The following SMARCD3 variants were observed in gnomAD, a reference collection of about 807,000 sequenced individuals.
SMARCD3 encodes SWI/SNF-related matrix-associated actin-dependent regulator of chromatin subfamily D member 3.
A neutral mutation model predicts 58.0 loss-of-function variants in SMARCD3; 14 were observed. The observed-to-expected ratio is 0.24, with a 90% confidence interval of 0.16 to 0.38. The LOEUF is 0.38. SMARCD3 is among the 10% of genes least tolerant of loss of function. SMARCD3 has a pLI of 1.00. For missense variants in SMARCD3, 408 were observed against 636.9 expected, an observed-to-expected ratio of 0.64 and a Z score of 3.87; for synonymous variants, 253 against 253.8, an observed-to-expected ratio of 1.00 and a Z score of 0.03.
Position 151,242,045 on chromosome 7 carries a change from G to A in SMARCD3, c.676-67C>T. On this transcript the variant is annotated intron_variant, in intron 6 of 12. Coordinates refer to ENST00000262188, the MANE Select transcript of SMARCD3 (RefSeq NM_001003801.2). This position sits in a 1 kb window ranked among gnomAD's most constrained non-coding sequence, Gnocchi z 4.7. ...GGAGTGGTGGGGCCCAGGACTCTAG[G>A]GTGGTCCCTGACCCAAATCTGTGCT... is the stretch of plus-strand genomic sequence containing the variant. The A allele has an allele frequency of 6.5e-7, 1 of 1,544,442 alleles. No individual in the cohort carries two copies. Among genetic ancestry groups the A allele is most frequent in the Non-Finnish European group, 8.9e-7 (1 of 1,117,680 alleles).
In SMARCD3 at chr7:151,248,402, G is replaced by T. The variant is rs1803378857; in HGVS notation, c.78+83C>A. ...ACTAGAGGGGTGGGAGAGCGGGAGC[G>T]CCCTCCCGGCCCCTCCCGATCAGCC... On this transcript the variant is annotated intron_variant, in intron 1 of 12. Coordinates refer to ENST00000262188, the MANE Select transcript of SMARCD3 (RefSeq NM_001003801.2). This position sits in a 1 kb window ranked among gnomAD's most constrained non-coding sequence, Gnocchi z 6.1. 1 of 1,194,390 alleles carries T rather than the reference G, an allele frequency of 8.4e-7. No homozygotes were observed. Among genetic ancestry groups the T allele is most frequent in the Admixed American group, 1.8e-5 (1 of 55,716 alleles). 74.0% of individuals were successfully genotyped at this position (1,194,390 alleles called of 1,614,324 possible).
rs780502038 is a variant in SMARCD3 at position 151,240,224 on chromosome 7, T to A, written c.1061A>T (p.Lys354Met). ...CACGTCAATGTCATAGCACGCCGTC[T>A]TCTTCTGGTCTGAAGGGTCCACGCT... ...VISVDPSDQKKTACYDIDVEV... is the reference protein window; with the variant it reads ...VISVDPSDQKMTACYDIDVEV... The change falls in exon 10 of 13, where the codon AAG becomes ATG. Residue 354 changes from lysine to methionine, a missense_variant. Transcript: ENST00000262188. The A allele has an allele frequency of 1.2e-6, 2 of 1,614,124 alleles. No individual in the cohort carries two copies. Among genetic ancestry groups the A allele is most frequent in the Non-Finnish European group, 1.7e-6 (2 of 1,180,018 alleles).
At chr7:151,273,419 C>T (rs1044295416) in intron 2 of SMARCD3, among the ~76,000 whole-genome samples, 1 of 152,218 alleles carries the variant, frequency 6.6e-6, no homozygotes, top group Non-Finnish European at 1.5e-5. Flanking sequence ...ATTAGGAGGA[C>T]TCTCCACGTG....
chr7:151,248,796 T>A, upstream of SMARCD3: 1 of 622,830 alleles, frequency 1.6e-6, no homozygotes, highest in Non-Finnish European at 2.1e-6. The surrounding 1 kb of genome is among the most constrained non-coding windows in gnomAD (Gnocchi z 6.1). Context: ...ATTCCTGCAC[T>A]GATAAGACAG....
chr7:151,259,859 C>T (rs1465060272), intron 2 of SMARCD3, among the ~76,000 whole-genome samples: 4 of 151,296 alleles, frequency 2.6e-5, no homozygotes, highest in Non-Finnish European at 5.9e-5. Flanking sequence ...ATCCACCCAC[C>T]TTGGCCTCCC....
Position 151,275,635 on chromosome 7 carries a change from C to T in SMARCD3, c.-99-384G>A, listed in dbSNP as rs908799291. Among the ~76,000 whole-genome samples the T allele has an allele frequency of 3.3e-5, 5 of 152,096 alleles. No homozygotes were observed. The East Asian group carries it at 9.7e-4, about 29-fold the overall frequency. Reference sequence around the variant, plus strand: ...GCCAGAGGGCAGGTCAGGATGGTAACTGGGATGGCCCTGGAGCCCAGGGGC... The same window carrying T: ...GCCAGAGGGCAGGTCAGGATGGTAATTGGGATGGCCCTGGAGCCCAGGGGC... On this transcript the variant is annotated intron_variant, in intron 1 of 13. Coordinates refer to the SMARCD3 transcript ENST00000356800.
intron 2 of SMARCD3, among the ~76,000 whole-genome samples, chr7:151,270,406 A>G (rs1274271417): frequency 6.6e-6 from 1 of 152,212 alleles, no homozygotes; most frequent in Non-Finnish European, 1.5e-5. Flanking sequence ...CTCTCTGTCC[A>G]CTGCCTCACA....
intron 2 of SMARCD3, chr7:151,275,030 TG>T: frequency 9.0e-7 from 1 of 1,114,726 alleles, no homozygotes; most frequent in Non-Finnish European, 1.3e-6. Context: ...GGCCATGTGG[TG>T]GGAGCAGGAG....
intron 2 of SMARCD3, among the ~76,000 whole-genome samples, chr7:151,256,758 G>A (rs996566382): frequency 1.3e-5 from 2 of 151,916 alleles, no homozygotes; most frequent in African/African-American, 4.8e-5. Context: ...GCTTGTGCCC[G>A]TTTTCCCCTT....
chr7:151,257,896 G>T (rs966080064), intron 2 of SMARCD3, among the ~76,000 whole-genome samples: 1 of 152,024 alleles, frequency 6.6e-6, no homozygotes, highest in Non-Finnish European at 1.5e-5. Flanking sequence ...CCTCCAGCCC[G>T]GTCCTCTCTC....
intron 2 of SMARCD3, among the ~76,000 whole-genome samples, chr7:151,244,572 T>TA (rs1399721110): frequency 6.6e-6 from 1 of 152,190 alleles, no homozygotes; most frequent in Non-Finnish European, 1.5e-5. Context: ...TGGTTTGTTT[T>TA]AAACAGATTA....
chr7:151,253,956 C>T (rs1173792609), intron 2 of SMARCD3, among the ~76,000 whole-genome samples: 1 of 152,094 alleles, frequency 6.6e-6, no homozygotes, highest in Non-Finnish European at 1.5e-5. Flanking sequence ...TCTCCTCTCC[C>T]TCCGGATCAA....
chr7:151,275,373 G>A lies in SMARCD3; in HGVS notation c.-99-122C>T, dbSNP rs917506819. The A allele has an allele frequency of 3.1e-5, 18 of 575,224 alleles. No individual in the cohort carries two copies. The Admixed American group carries it at 4.7e-4, about 15-fold the overall frequency. 35.6% of individuals were successfully genotyped at this position (575,224 alleles called of 1,614,324 possible). A position where few individuals can be genotyped will look rare whatever the true frequency, so the allele number is the denominator to read the frequency against. Reference sequence around the variant, plus strand: ...AAGCCAGGACACTGTGCAGAAAAAAGGGCCTAGGATGGAGGCAACCAGCAT... The same window carrying A: ...AAGCCAGGACACTGTGCAGAAAAAAAGGCCTAGGATGGAGGCAACCAGCAT... On this transcript the variant is annotated intron_variant, in intron 1 of 13. Coordinates refer to the SMARCD3 transcript ENST00000356800.
At chr7:151,244,597 T>C (rs1175226402) in intron 2 of SMARCD3, among the ~76,000 whole-genome samples, 1 of 152,204 alleles carries the variant, frequency 6.6e-6, no homozygotes, top group Non-Finnish European at 1.5e-5. Flanking sequence ...TGTGTAACTC[T>C]CCATTTATAC....
Position 151,243,695 on chromosome 7 carries a change from C to T in SMARCD3, c.297G>A (p.Lys99=), listed in dbSNP as rs778165767. ...GGATTTTGTCAGCCATCTTCCTCCTCTTGGCACTGTACATTTTTTAAAGAA... is the reference window on the plus strand; with the variant it reads ...GGATTTTGTCAGCCATCTTCCTCCTTTTGGCACTGTACATTTTTTAAAGAA... The part of the protein sequence containing the change: ...PTAPARSRSA[K]RRKMADKILP... Residue 99 remains lysine (K), a synonymous_variant, in exon 3 of 13, where the codon AAG becomes AAA. Transcript: ENST00000262188. This position sits in a 1 kb window ranked among gnomAD's most constrained non-coding sequence, Gnocchi z 4.4. The T allele has an allele frequency of 9.9e-6, 16 of 1,610,792 alleles. No homozygotes were observed. Among genetic ancestry groups the T allele is most frequent in the Middle Eastern group, 1.6e-4 (1 of 6,074 alleles).
chr7:151,250,299 A>G (rs1201214152), upstream of SMARCD3, among the ~76,000 whole-genome samples: 1 of 151,788 alleles, frequency 6.6e-6, no homozygotes, highest in African/African-American at 2.4e-5. Context: ...CCTTGCTACC[A>G]AATCTCTCCC....
intron 2 of SMARCD3, among the ~76,000 whole-genome samples, chr7:151,259,613 T>TTTTTTTTG (rs1803847379): frequency 7.9e-6 from 1 of 125,942 alleles, no homozygotes; most frequent in Admixed American, 7.6e-5. Flanking sequence ...TTTTTTTTTT[T>TTTTTTTTG]TTTTTTTTTT....
rs1367668516 is a variant in SMARCD3, at chr7:151,241,534, G to C, written c.897C>G (p.Ser299=). 1.2e-6 allele frequency: 2 copies of C among 1,612,092 alleles called. No individual in the cohort carries two copies. The highest frequency in any genetic ancestry group is 2.7e-5 in the African/African-American group (2 of 74,904). ...QYVKTNRLQD[S]HDKEYINGDK... is the part of the protein sequence containing the mutation. ...CCCCATTGATGTATTCCTTGTCATG[G>C]GAGTCCTGCAGCCTGTTGGTCTTCA... is the stretch of plus-strand genomic sequence containing the variant. Residue 299 remains serine, a synonymous_variant, in exon 8 of 13, where the codon TCC becomes TCG. Transcript: ENST00000262188. The surrounding 1 kb of genome is among the most constrained non-coding windows in gnomAD (Gnocchi z 5.3).
In SMARCD3 at chr7:151,240,221, GTCT is replaced by G. The variant is rs1802902564; in HGVS notation, c.1061_1063del (p.Lys354del). Reference sequence around the variant, plus strand: ...CTCCACGTCAATGTCATAGCACGCCGTCTTCTTCTGGTCTGAAGGGTCCACGCT... The same window carrying G: ...CTCCACGTCAATGTCATAGCACGCCGTCTTCTGGTCTGAAGGGTCCACGCT... On this transcript the variant is annotated inframe_deletion, in exon 10 of 13. Coordinates refer to ENST00000262188, the MANE Select transcript of SMARCD3 (RefSeq NM_001003801.2). 3.1e-6 allele frequency: 5 copies of G among 1,614,062 alleles called. No homozygotes were observed. The highest frequency in any genetic ancestry group is 4.2e-6 in the Non-Finnish European group (5 of 1,180,010).
Sources: gnomAD v4.1 joint callset for allele counts (sites outside exome capture counted in the v4.1 genomes callset) on GRCh38, gnomAD v4.1.1 for gene constraint, Gnocchi (gnomAD v3.1) non-coding constraint, MANE v1.5 for transcripts, NCBI Gene and HGNC (gene_info 2026-07-23, HGNC 2026-07-21) for gene names.